Variants in QRICH2 observed in about 807,000 individuals in gnomAD.
QRICH2 encodes glutamine rich 2, also known as glutamine-rich protein 2.
Under a neutral mutation model 168.3 loss-of-function variants are expected in QRICH2, and 119 were observed. That is an observed-to-expected ratio of 0.71 (90% CI 0.61 to 0.82). QRICH2 has a LOEUF of 0.82. Among genes scored for constraint, QRICH2 ranks in the 40% least tolerant of loss-of-function variants. The probability of loss-of-function intolerance (pLI) is 0.00; values close to 1 mark genes in which losing one functional copy is unlikely to be tolerated. For missense variants in QRICH2, 2,241 were observed against 2,491.6 expected, an observed-to-expected ratio of 0.90 and a Z score of 2.14; for synonymous variants, 894 against 951.2, an observed-to-expected ratio of 0.94 and a Z score of 1.11.
upstream of QRICH2, among the ~76,000 whole-genome samples, chr17:76,309,253 G>A (rs1012316675): frequency 6.6e-6 from 1 of 150,752 alleles, no homozygotes; most frequent in Non-Finnish European, 1.5e-5. Context: ...CTACTCGGGA[G>A]GCTGAGGCAG....
intron 17 of QRICH2, among the ~76,000 whole-genome samples, chr17:76,276,148 A>G (rs529374918): frequency 2.1e-5 from 1 of 48,720 alleles, no homozygotes; most frequent in South Asian, 6.9e-4. Flanking sequence ...CCACTCACAC[A>G]GAGTCCCTGA....
At position 76,280,647 on chromosome 17, in the gene QRICH2, C is replaced by T. The variant is rs757526690; in HGVS notation, c.4461+7G>A. 1 of 1,614,110 alleles carries T rather than the reference C, an allele frequency of 6.2e-7. No homozygotes were observed. Among genetic ancestry groups the T allele is most frequent in the East Asian group, 2.2e-5 (1 of 44,888 alleles). On this transcript the variant is annotated splice_region_variant and intron_variant, in intron 10 of 18. Coordinates refer to ENST00000680821, the MANE Select transcript of QRICH2 (RefSeq NM_001388453.1). The surrounding 1 kb of genome is among the most constrained non-coding windows in gnomAD (Gnocchi z 7.4). ...ACACAGCGTGGCTCCTGGGGCCTGGCACCCACCACATCGATCTCCATCTCC... is the reference window on the plus strand; with the variant it reads ...ACACAGCGTGGCTCCTGGGGCCTGGTACCCACCACATCGATCTCCATCTCC...
Position 76,307,833 on chromosome 17 carries a change from C to G in QRICH2, c.166G>C (p.Glu56Gln). The G allele has an allele frequency of 7.8e-7, 1 of 1,285,960 alleles. No homozygotes were observed. Among genetic ancestry groups the G allele is most frequent in the Non-Finnish European group, 9.8e-7 (1 of 1,018,598 alleles). 79.7% of individuals were successfully genotyped at this position (1,285,960 alleles called of 1,614,324 possible). ...ACGGACTGCAGCGAGCGGCTGGGCTCGGGCGACGAGGGCTGGAAGTCGATC... is the reference window on the plus strand; with the variant it reads ...ACGGACTGCAGCGAGCGGCTGGGCTGGGGCGACGAGGGCTGGAAGTCGATC... ...TRIDFQPSSP[E>Q]PSRSLQSVRS... The change falls in exon 1 of 19, where the codon GAG (glutamate) becomes CAG (glutamine). Residue 56 changes from glutamate to glutamine, a missense_variant. Glu to Gln is a conservative substitution (Grantham distance 29). Around this residue, in one of 3 missense-constraint regions of QRICH2, gnomAD observed 2,047 missense variants for 2,303.8 expected, o/e 0.89. Transcript: ENST00000680821. This position sits in a 1 kb window ranked among gnomAD's most constrained non-coding sequence, Gnocchi z 5.3.
At chr17:76,310,010 G>A (rs960527847), upstream of QRICH2, 33 of 148,920 alleles carry the variant, frequency 2.2e-4, no homozygotes, top group African/African-American at 7.9e-4. Flanking sequence ...TTTTGAGATG[G>A]AATCTTGCTC....
In QRICH2 at chr17:76,291,204, C is replaced by G; in HGVS notation, c.3523G>C (p.Val1175Leu). ...AGTGAATTGCGTCGCTCACTCAGGA[C>G]TTCACTCGAGACTTCGCTCCCTTCT... ...LSEGSEVSSE[V>L]LSERRNSLRR... Residue 1175 changes from valine to leucine, a missense_variant, in exon 4 of 19, where the codon GTC becomes CTC. By Grantham distance (32) the Val-to-Leu change is conservative. This residue lies in a region of QRICH2 where 2,047 missense variants were observed against 2,303.8 expected (regional missense o/e 0.89). Transcript: ENST00000680821. The G allele has an allele frequency of 1.2e-6, 2 of 1,614,228 alleles. No individual in the cohort carries two copies. The highest frequency in any genetic ancestry group is 1.7e-6 in the Non-Finnish European group (2 of 1,180,046).
At chr17:76,301,490 C>A in intron 3 of QRICH2, 1 of 222,130 alleles carries the variant, frequency 4.5e-6, no homozygotes, top group Non-Finnish European at 9.6e-6. Context: ...ATTGCTTGAG[C>A]CCCAGAGGGG....
At chr17:76,283,612 G>T (rs971478203) in intron 7 of QRICH2, among the ~76,000 whole-genome samples, 29 of 152,130 alleles carry the variant, frequency 1.9e-4, no homozygotes, top group African/African-American at 6.8e-4. Context: ...CGTGGCTCAC[G>T]CCTGTAATCC....
Position 76,280,814 on chromosome 17 carries a change from A to G in QRICH2, c.4386+17T>C. 1.2e-6 allele frequency: 2 copies of G among 1,613,852 alleles called. No individual in the cohort carries two copies. The highest frequency in any genetic ancestry group is 1.7e-6 in the Non-Finnish European group (2 of 1,179,988). ...ATTGAGCCCCGGCCCCATCCCAGCC[A>G]CCCTGCGGCCGCTCACAGCAATGTC... On this transcript the variant is annotated intron_variant, in intron 9 of 18. Coordinates refer to ENST00000680821, the MANE Select transcript of QRICH2 (RefSeq NM_001388453.1). The surrounding 1 kb of genome is among the most constrained non-coding windows in gnomAD (Gnocchi z 7.4).
chr17:76,293,102 G>C lies in QRICH2; in HGVS notation c.1625C>G (p.Pro542Arg), dbSNP rs1344183332. The part of the protein sequence containing the change: ...QHGLVSPGLM[P>R]ISADQQGFVQ... ...AAAACCTTGCTGATCTGCACTAATTGGCATCAAACCAGGTGATACCAAACC... is the reference window on the plus strand; with the variant it reads ...AAAACCTTGCTGATCTGCACTAATTCGCATCAAACCAGGTGATACCAAACC... The change falls in exon 4 of 19, where the codon CCA becomes CGA. Residue 542 changes from proline to arginine, a missense_variant. This residue lies in a region of QRICH2 where 2,047 missense variants were observed against 2,303.8 expected (regional missense o/e 0.89). Coordinates refer to ENST00000680821, the MANE Select transcript of QRICH2 (RefSeq NM_001388453.1). 6.2e-7 allele frequency: 1 copy of C among 1,614,154 alleles called. No individual in the cohort carries two copies. Among genetic ancestry groups the C allele is most frequent in the East Asian group, 2.2e-5 (1 of 44,890 alleles).
intron 3 of QRICH2, among the ~76,000 whole-genome samples, chr17:76,299,044 C>G (rs1314838776): frequency 1.3e-5 from 2 of 152,010 alleles, no homozygotes; most frequent in African/African-American, 4.8e-5. Context: ...CTGTAGGGGG[C>G]CCTCTGCTGA....
Position 76,297,028 on chromosome 17 carries a change from T to C in QRICH2, c.706-3007A>G, listed in dbSNP as rs557582844. 3.3e-5 allele frequency among the ~76,000 whole-genome samples: 5 copies of C among 152,264 alleles called. No individual in the cohort carries two copies. The East Asian group carries it at 7.7e-4, about 24-fold the overall frequency. ...AGTTTGGAAAAACTCATCATTCAAG[T>C]AGCACAGAGCAGAGTGTACTCAGAA... On this transcript the variant is annotated intron_variant, in intron 3 of 18. Transcript: ENST00000680821.
rs377350057 is a variant in QRICH2, at chr17:76,277,534, C to A, written c.5118-224G>T. ...CATGGGCAGGCGTGCACACACACAC[C>A]CACACACTCACACATGTACTCATAC... On this transcript the variant is annotated intron_variant, in intron 15 of 18. Transcript: ENST00000680821. Among the ~76,000 whole-genome samples the A allele has an allele frequency of 1.9e-3, 282 of 151,898 alleles. 1 individual carries two copies. The highest frequency in any genetic ancestry group is 6.5e-3 in the African/African-American group (269 of 41,414).
At chr17:76,294,434 G>T (rs1274592453) in intron 3 of QRICH2, among the ~76,000 whole-genome samples, 1 of 150,812 alleles carries the variant, frequency 6.6e-6, no homozygotes, top group African/African-American at 2.4e-5. Flanking sequence ...AAAAGAAAAG[G>T]AAAAGAAACA....
chr17:76,293,394 G>A lies in QRICH2; in HGVS notation c.1333C>T (p.Pro445Ser). ...FVVDEQRMLPPSVPGRDQQGL... is the reference protein window; with the variant it reads ...FVVDEQRMLPSSVPGRDQQGL... Reference sequence around the variant, plus strand: ...TGCTGGTCTCTGCCAGGTACTGATGGTGGCAACATACGTTGCTCATCCACG... The same window carrying A: ...TGCTGGTCTCTGCCAGGTACTGATGATGGCAACATACGTTGCTCATCCACG... Residue 445 changes from proline to serine, a missense_variant, in exon 4 of 19, where the codon CCA (proline) becomes TCA (serine). This residue lies in a region of QRICH2 where 2,047 missense variants were observed against 2,303.8 expected (regional missense o/e 0.89). Transcript: ENST00000680821. The A allele has an allele frequency of 6.2e-7, 1 of 1,614,178 alleles. No individual in the cohort carries two copies. Among genetic ancestry groups the A allele is most frequent in the South Asian group, 1.1e-5 (1 of 91,084 alleles).
At chr17:76,277,512 G>A (rs556445003) in intron 15 of QRICH2, among the ~76,000 whole-genome samples, 5 of 152,092 alleles carry the variant, frequency 3.3e-5, no homozygotes, top group African/African-American at 1.2e-4. Flanking sequence ...CTGTGCACAT[G>A]GGCAGGCGTG....
At chr17:76,279,267 C>T (rs1016225295) in intron 13 of QRICH2, 96 bp downstream of exon 13, 5 of 1,348,378 alleles carry the variant, frequency 3.7e-6, no homozygotes, top group Non-Finnish European at 4.2e-6. Context: ...TGGAAGCAGA[C>T]ACATGAAAGA....
intron 13 of QRICH2, 81 bp downstream of exon 13, chr17:76,279,282 G>A: frequency 1.4e-6 from 2 of 1,386,130 alleles, no homozygotes; most frequent in Non-Finnish European, 2.0e-6. Flanking sequence ...GAAAGAAAGG[G>A]AGAGGACAGG....
chr17:76,274,262 TG>T lies in QRICH2; in HGVS notation c.5483-3del. 6.3e-7 allele frequency: 1 copy of T among 1,585,354 alleles called. No homozygotes were observed. Among genetic ancestry groups the T allele is most frequent in the African/African-American group, 1.4e-5 (1 of 72,778 alleles). ...TATCTTTCTGTTGACGAGAAGAAAC[TG>T]TAAGACAGGGGTGCTGAGGTTGCTC... On this transcript the variant is annotated splice_polypyrimidine_tract_variant and splice_region_variant and intron_variant, in intron 18 of 18. Coordinates refer to ENST00000680821, the MANE Select transcript of QRICH2 (RefSeq NM_001388453.1).
intron 7 of QRICH2, 90 bp downstream of exon 7, chr17:76,287,100 ACC>A (rs975377833): frequency 4.1e-5 from 25 of 608,038 alleles, no homozygotes; most frequent in Non-Finnish European, 7.3e-5. Context: ...GATGGGAGGG[ACC>A]TAGTTTTTGA....
Sources: gnomAD v4.1 joint callset for allele counts (sites outside exome capture counted in the v4.1 genomes callset) on GRCh38, gnomAD v4.1.1 for gene constraint, gnomAD v4.1.1 regional missense constraint, Gnocchi (gnomAD v3.1) non-coding constraint, MANE v1.5 for transcripts, NCBI Gene and HGNC (gene_info 2026-07-23, HGNC 2026-07-21) for gene names.